Variants in CACNA2D1 observed in about 807,000 individuals in gnomAD.
The protein encoded by CACNA2D1 is voltage-dependent calcium channel subunit alpha-2/delta-1.
A neutral mutation model predicts 171.5 loss-of-function variants in CACNA2D1; 53 were observed. The observed-to-expected ratio is 0.31, with a 90% CI of 0.25 to 0.39. The LOEUF (loss-of-function observed/expected upper bound fraction) is 0.39. Among genes scored for constraint, CACNA2D1 ranks in the 10% least tolerant of loss-of-function variants. The probability of loss-of-function intolerance (pLI) is 1.00; values close to 1 mark genes in which losing one functional copy is unlikely to be tolerated. For synonymous variants in CACNA2D1, 442 were observed against 443.1 expected (o/e 1.00, Z 0.03); for missense variants, 903 against 1,299.8 (o/e 0.69, Z 4.69).
chr7:81,997,066 ACAGTAT>A (rs1562842525), intron 19 of CACNA2D1, 107 bp downstream of exon 19: 3 of 763,796 alleles, frequency 3.9e-6, no homozygotes, highest in Non-Finnish European at 7.3e-6. Context: ...CTTTGTGTAT[ACAGTAT>A]CAAACAGACA....
intron 1 of CACNA2D1, among the ~76,000 whole-genome samples, chr7:82,352,511 AG>A (rs1349892406): frequency 2.5e-4 from 38 of 152,346 alleles, no homozygotes; most frequent in Non-Finnish European, 2.6e-4. Flanking sequence ...GCACTCCATT[AG>A]GAAGAATTCA....
intron 6 of CACNA2D1, among the ~76,000 whole-genome samples, chr7:82,099,775 G>C (rs1415386248): frequency 6.6e-6 from 1 of 152,090 alleles, no homozygotes; most frequent in Non-Finnish European, 1.5e-5. Context: ...CAGGAAGGTA[G>C]GAGTGTGTGT....
At chr7:82,092,950 A>G (rs1262305956) in intron 6 of CACNA2D1, among the ~76,000 whole-genome samples, 1 of 152,120 alleles carries the variant, frequency 6.6e-6, no homozygotes, top group Non-Finnish European at 1.5e-5. Context: ...TAGAAGAATG[A>G]ATATGCAATT....
chr7:82,227,850 A>G (rs1194858045), intron 3 of CACNA2D1, among the ~76,000 whole-genome samples: 1 of 152,192 alleles, frequency 6.6e-6, no homozygotes, highest in Non-Finnish European at 1.5e-5. Context: ...ACTAAGTATA[A>G]TAAATAAAGG....
intron 3 of CACNA2D1, among the ~76,000 whole-genome samples, chr7:82,255,545 T>C (rs182233321): frequency 1.6e-4 from 24 of 152,342 alleles, no homozygotes; most frequent in Admixed American, 1.4e-3. Flanking sequence ...TTAATTTTCA[T>C]AGATGGCATA....
intron 10 of CACNA2D1, among the ~76,000 whole-genome samples, chr7:82,047,535 C>A (rs1804692480): frequency 6.6e-6 from 1 of 152,040 alleles, no homozygotes; most frequent in Admixed American, 6.6e-5. Context: ...GATGACTGGC[C>A]ACATAAGAAC....
intron 3 of CACNA2D1, among the ~76,000 whole-genome samples, chr7:82,243,692 T>C (rs1420364018): frequency 2.6e-5 from 4 of 152,180 alleles, no homozygotes; most frequent in East Asian, 3.9e-4. Context: ...AGGGAAGCCA[T>C]GTGGCTTACC....
intron 20 of CACNA2D1, among the ~76,000 whole-genome samples, chr7:81,993,941 C>T (rs1478636711): frequency 6.6e-6 from 1 of 152,010 alleles, no homozygotes; most frequent in Non-Finnish European, 1.5e-5. Context: ...TCAACAAAGA[C>T]TGAAAGGTAA....
chr7:82,173,236 T>TCCCTA (rs1796231500), intron 3 of CACNA2D1, among the ~76,000 whole-genome samples: 2 of 152,080 alleles, frequency 1.3e-5, no homozygotes, highest in Non-Finnish European at 2.9e-5. Context: ...ATAACACAAT[T>TCCCTA]CCCTAGGAGG....
intron 1 of CACNA2D1, among the ~76,000 whole-genome samples, chr7:82,423,584 G>A (rs570668779): frequency 2.0e-5 from 3 of 152,304 alleles, no homozygotes; most frequent in South Asian, 2.1e-4. Flanking sequence ...TACAGAGCTT[G>A]TAGTTCCTCG....
intron 1 of CACNA2D1, among the ~76,000 whole-genome samples, chr7:82,379,764 C>T (rs934950717): frequency 1.3e-5 from 2 of 152,204 alleles, no homozygotes; most frequent in Non-Finnish European, 2.9e-5. Context: ...GACTCTTTCA[C>T]TGTAAAGAGT....
At chr7:82,041,369 T>C (rs569999168) in intron 10 of CACNA2D1, among the ~76,000 whole-genome samples, 175 of 152,210 alleles carry the variant, frequency 1.1e-3, no homozygotes, top group African/African-American at 4.1e-3. Context: ...TTCATTATTC[T>C]AGGAAAGAAG....
intron 1 of CACNA2D1, among the ~76,000 whole-genome samples, chr7:82,416,169 C>T (rs900821914): frequency 9.9e-5 from 15 of 151,852 alleles, no homozygotes; most frequent in African/African-American, 3.6e-4. Context: ...TAGCTGAGAT[C>T]GTGCCACTGC....
intron 6 of CACNA2D1, among the ~76,000 whole-genome samples, chr7:82,093,827 C>T (rs1185251364): frequency 3.9e-5 from 6 of 152,034 alleles, no homozygotes; most frequent in African/African-American, 1.4e-4. Context: ...AAATTATGCA[C>T]ATACAAGCTC....
intron 32 of CACNA2D1, 28 bp from the exon 33 acceptor site, chr7:81,964,387 C>G: frequency 6.2e-7 from 1 of 1,601,214 alleles, no homozygotes. Context: ...CATAAAGCAA[C>G]GTGCACTTAA....
intron 3 of CACNA2D1, among the ~76,000 whole-genome samples, chr7:82,186,525 G>A (rs35018124): frequency 0.33 from 49,996 of 152,030 alleles, 8,559 homozygotes; most frequent in East Asian, 0.48. Flanking sequence ...TTGGCATTAT[G>A]GGGGCATAGA....
intron 3 of CACNA2D1, among the ~76,000 whole-genome samples, chr7:82,242,273 A>G (rs1223073138): frequency 7.1e-6 from 1 of 140,952 alleles, no homozygotes. Flanking sequence ...ATACTAAAAT[A>G]ATTTTTAATA....
chr7:82,028,366 G>A (rs1285615903), intron 12 of CACNA2D1: 2 of 151,810 alleles, frequency 1.3e-5, no homozygotes, highest in African/African-American at 4.8e-5. Context: ...GACAATGTAG[G>A]TAGTCGCCCA....
chr7:82,422,919 C>T (rs1158134200), intron 1 of CACNA2D1, among the ~76,000 whole-genome samples: 1 of 151,894 alleles, frequency 6.6e-6, no homozygotes, highest in African/African-American at 2.4e-5. Context: ...ATTTTAATTC[C>T]AGTGTGCACA....
Sources: gnomAD v4.1 joint callset for allele counts (sites outside exome capture counted in the v4.1 genomes callset) on GRCh38, gnomAD v4.1.1 for gene constraint, MANE v1.5 for transcripts, NCBI Gene and HGNC (gene_info 2026-07-23, HGNC 2026-07-21) for gene names.